XKR3: variants seen among roughly 807,000 people sequenced by gnomAD.
The protein encoded by XKR3 is XK-related protein 3.
XKR3 carries 27 observed loss-of-function variants against 40.3 expected under a neutral mutation model. The observed-to-expected ratio is 0.67, with a 90% CI of 0.49 to 0.92. The LOEUF is 0.92. Among genes scored for constraint, XKR3 ranks in the 40% least tolerant of loss-of-function variants. The pLI is 0.00. For missense variants in XKR3, 472 were observed against 537.6 expected, an observed-to-expected ratio of 0.88 and a Z score of 1.21; for synonymous variants, 193 against 195.4, an observed-to-expected ratio of 0.99 and a Z score of 0.10.
chr22:16,807,876 C>G lies in XKR3; in HGVS notation c.198G>C (p.Trp66Cys). ...TAATAAAGCTGATGGTAAATGACAT[C>G]CAGAATGTGTCATTAGCTTTTCGAT... ...EIYRKANDTFWMSFTISFIIV... is the reference protein window; with the variant it reads ...EIYRKANDTFCMSFTISFIIV... The change falls in exon 2 of 4, where the codon TGG (tryptophan) becomes TGC (cysteine). Residue 66 changes from tryptophan (W) to cysteine (C), a missense_variant. Physicochemically the swap from Trp to Cys is radical, Grantham distance 215 (BLOSUM62 -2). Coordinates refer to ENST00000684488, the MANE Select transcript of XKR3 (RefSeq NM_001386955.1). 1 of 1,613,934 alleles carries G rather than the reference C, an allele frequency of 6.2e-7. No homozygotes were observed. Among genetic ancestry groups the G allele is most frequent in the Admixed American group, 1.7e-5 (1 of 60,010 alleles).
Position 16,784,219 on chromosome 22 carries a change from C to G in XKR3, c.780G>C (p.Leu260=), listed in dbSNP as rs1192372265. The G allele has an allele frequency of 1.2e-6, 2 of 1,614,176 alleles. No homozygotes were observed. The highest frequency in any genetic ancestry group is 1.7e-6 in the Non-Finnish European group (2 of 1,180,026). Residue 260 remains leucine, a synonymous_variant, in exon 4 of 4, where the codon CTG becomes CTC. Coordinates refer to ENST00000684488, the MANE Select transcript of XKR3 (RefSeq NM_001386955.1). ...ACAAAACGGGTAGGCTCTTCAGTTTCAGAGATGCAATGAAAAATGCCAGAG... is the reference window on the plus strand; with the variant it reads ...ACAAAACGGGTAGGCTCTTCAGTTTGAGAGATGCAATGAAAAATGCCAGAG... ...VVTLAFFIAS[L]KLKSLPVLLI... is the part of the protein sequence containing the mutation.
Position 16,807,781 on chromosome 22 carries a change from G to T in XKR3, c.293C>A (p.Ala98Glu). The change falls in exon 2 of 4, where the codon GCA becomes GAA. Residue 98 changes from alanine (A) to glutamate (E), a missense_variant. Transcript: ENST00000684488. ...FNKDLRRNKA[A>E]LLFWHILLLG... The stretch of plus-strand genomic sequence containing the variant: ...AAGAAGAATGTGCCAAAAAAGTAAT[G>T]CAGCCTTATTTCTCCTCAAGTCTTT... The T allele has an allele frequency of 6.2e-7, 1 of 1,610,678 alleles. No individual in the cohort carries two copies. Among genetic ancestry groups the T allele is most frequent in the Non-Finnish European group, 8.5e-7 (1 of 1,178,088 alleles).
At chr22:16,798,997 C>T (rs1171045742) in intron 3 of XKR3, among the ~76,000 whole-genome samples, 1 of 152,160 alleles carries the variant, frequency 6.6e-6, no homozygotes, top group Non-Finnish European at 1.5e-5. Context: ...TGTACATATA[C>T]TCCCTGTATC....
At chr22:16,813,463 G>A (rs944176474) in intron 1 of XKR3, among the ~76,000 whole-genome samples, 5 of 151,940 alleles carry the variant, frequency 3.3e-5, no homozygotes, top group African/African-American at 7.3e-5. Context: ...TTTAAGCCGA[G>A]CATACTGAGG....
intron 2 of XKR3, among the ~76,000 whole-genome samples, chr22:16,805,522 C>T (rs1275492117): frequency 6.6e-6 from 1 of 152,154 alleles, no homozygotes; most frequent in Non-Finnish European, 1.5e-5. Context: ...AGATTCAATT[C>T]ATTCCATATC....
rs754622915 is a variant in XKR3, at chr22:16,799,841, G to A, written c.519C>T (p.Leu173=). ...GCAAAATTAATTGTGGAACAGAACC[G>A]AGAAAAGCCTGAATCACTGACATGT... ...FKYMSVIQAF[L]GSVPQLILQM... The change falls in exon 3 of 4, where the codon CTC becomes CTT. Residue 173 remains leucine, a synonymous_variant. Coordinates refer to ENST00000684488, the MANE Select transcript of XKR3 (RefSeq NM_001386955.1). 2.7e-5 allele frequency: 44 copies of A among 1,613,962 alleles called. No homozygotes were observed. The highest frequency in any genetic ancestry group is 4.0e-5 in the African/African-American group (3 of 74,928).
At chr22:16,815,632 A>C (rs5994026) in intron 1 of XKR3, among the ~76,000 whole-genome samples, 31 of 152,140 alleles carry the variant, frequency 2.0e-4, no homozygotes, top group African/African-American at 7.5e-4. Context: ...TGGTTAAGAC[A>C]CATATTTACT....
At position 16,784,228 on chromosome 22, in the gene XKR3, A is replaced by C; in HGVS notation, c.771T>G (p.Ile257Met). 1 of 1,614,200 alleles carries C rather than the reference A, an allele frequency of 6.2e-7. No individual in the cohort carries two copies. Among genetic ancestry groups the C allele is most frequent in the Non-Finnish European group, 8.5e-7 (1 of 1,180,028 alleles). Residue 257 changes from isoleucine (I) to methionine (M), a missense_variant, in exon 4 of 4, where the codon ATT becomes ATG. Coordinates refer to ENST00000684488, the MANE Select transcript of XKR3 (RefSeq NM_001386955.1). ...GTAGGCTCTTCAGTTTCAGAGATGC[A>C]ATGAAAAATGCCAGAGTCACTACAC... Reference protein sequence around the residue: ...ISRVVTLAFFIASLKLKSLPV... With the variant: ...ISRVVTLAFFMASLKLKSLPV...
rs766320322 is a variant in XKR3 at position 16,783,979 on chromosome 22, CCT to C, written c.1018_1019del (p.Arg340ValfsTer4). On this transcript the variant is annotated frameshift_variant, in exon 4 of 4. Transcript: ENST00000684488. LOFTEE classifies it high-confidence loss of function. The part of the protein sequence containing the change: ...SDDKIIDGRQ[R>X]WGHRILHYSF... ...TGTAGTGTAGGATTCTATGGCCCCA[CCT>C]CTGTCTCCCGTCAATTATTTTGTCA... 99 of 1,614,110 alleles carry C rather than the reference CCT, an allele frequency of 6.1e-5. No homozygotes were observed. Among genetic ancestry groups the C allele is most frequent in the Non-Finnish European group, 7.7e-5 (91 of 1,180,054 alleles).
At chr22:16,823,517 T>A (rs1381364081) in intron 1 of XKR3, among the ~76,000 whole-genome samples, 1 of 152,202 alleles carries the variant, frequency 6.6e-6, no homozygotes, top group African/African-American at 2.4e-5. Flanking sequence ...GGAAGCAGAA[T>A]TTTTGGGAAA....
At chr22:16,818,045 A>C (rs552787079) in intron 1 of XKR3, among the ~76,000 whole-genome samples, 1 of 152,098 alleles carries the variant, frequency 6.6e-6, no homozygotes, top group African/African-American at 2.4e-5. Flanking sequence ...TTTATATGCT[A>C]TAAATCATTG....
At chr22:16,792,629 A>G (rs1410822122) in intron 3 of XKR3, among the ~76,000 whole-genome samples, 1 of 152,216 alleles carries the variant, frequency 6.6e-6, no homozygotes, top group Non-Finnish European at 1.5e-5. Flanking sequence ...TCAAATATCT[A>G]TTGATTTGGC....
At chr22:16,807,621 G>A (rs1359554028) in intron 2 of XKR3, 118 bp downstream of exon 2, 2 of 941,062 alleles carry the variant, frequency 2.1e-6, no homozygotes, top group African/African-American at 3.3e-5. Context: ...TAAATCTAAA[G>A]AGGGAAATAT....
chr22:16,801,182 C>A (rs982319376), intron 2 of XKR3, among the ~76,000 whole-genome samples: 1 of 151,944 alleles, frequency 6.6e-6, no homozygotes, highest in African/African-American at 2.4e-5. Flanking sequence ...CAAATTGTTA[C>A]AATCATGAAT....
At chr22:16,803,208 T>C (rs934898487) in intron 2 of XKR3, among the ~76,000 whole-genome samples, 1 of 152,066 alleles carries the variant, frequency 6.6e-6, no homozygotes, top group African/African-American at 2.4e-5. Flanking sequence ...ATAACTATAA[T>C]AAAATCTATT....
chr22:16,808,116 C>T lies in XKR3; in HGVS notation c.-10-33G>A, dbSNP rs778745247. The T allele has an allele frequency of 1.5e-5, 22 of 1,434,170 alleles. No homozygotes were observed. In the South Asian group the frequency reaches 3.0e-4, roughly 20 times the overall value. 88.8% of individuals were successfully genotyped at this position (1,434,170 alleles called of 1,614,324 possible). On this transcript the variant is annotated intron_variant, in intron 1 of 3. Transcript: ENST00000684488. ...TTCAAAGTCGTCTTGTCAGTGAATCCAGTAGAGTTCAGTATTAAATTTAAA... is the reference window on the plus strand; with the variant it reads ...TTCAAAGTCGTCTTGTCAGTGAATCTAGTAGAGTTCAGTATTAAATTTAAA...
At chr22:16,800,528 T>C (rs1162545110) in intron 2 of XKR3, among the ~76,000 whole-genome samples, 4 of 152,192 alleles carry the variant, frequency 2.6e-5, no homozygotes, top group Non-Finnish European at 5.9e-5. Context: ...TATTTTGACT[T>C]ATGATTTTTC....
chr22:16,820,103 G>A (rs371909360), intron 1 of XKR3, among the ~76,000 whole-genome samples: 8 of 152,196 alleles, frequency 5.3e-5, no homozygotes, highest in African/African-American at 1.9e-4. Context: ...AAAATGGTAG[G>A]GTCAGTCCAA....
Position 16,799,758 on chromosome 22 carries a change from T to C in XKR3, c.589+13A>G. On this transcript the variant is annotated intron_variant, in intron 3 of 3. Coordinates refer to ENST00000684488, the MANE Select transcript of XKR3 (RefSeq NM_001386955.1). ...CCTTTGTGTGTCTTTCAGCATCAAGTAACTCAACTTACCTCTATTCAAAGG... is the reference window on the plus strand; with the variant it reads ...CCTTTGTGTGTCTTTCAGCATCAAGCAACTCAACTTACCTCTATTCAAAGG... The C allele has an allele frequency of 1.2e-6, 2 of 1,612,916 alleles. No homozygotes were observed. Among genetic ancestry groups the C allele is most frequent in the Non-Finnish European group, 8.5e-7 (1 of 1,179,324 alleles).
Sources: allele counts gnomAD v4.1 joint callset (sites outside exome capture counted in the v4.1 genomes callset), GRCh38; gene constraint gnomAD v4.1.1; transcripts MANE v1.5; gene names NCBI Gene and HGNC (gene_info 2026-07-23, HGNC 2026-07-21).